The following PDE7A variants were observed in gnomAD, a reference collection of about 807,000 sequenced individuals.
The protein encoded by PDE7A is high affinity 3',5'-cyclic-AMP phosphodiesterase 7A.
In PDE7A, 39 loss-of-function variants were observed where a neutral mutation model predicts 64.3. The ratio of observed to expected loss-of-function variants is 0.61; its 90% CI spans 0.47 to 0.79. PDE7A has a LOEUF of 0.79. Ranked by LOEUF, PDE7A falls within the 30% of genes least tolerant of loss-of-function variation. PDE7A has a pLI of 0.00. For missense variants in PDE7A, 470 were observed against 582.8 expected (o/e 0.81, Z 1.99); for synonymous variants, 203 against 206.8 (o/e 0.98, Z 0.16).
At chr8:65,827,659 T>C (rs1461676179) in intron 1 of PDE7A, among the ~76,000 whole-genome samples, 1 of 152,210 alleles carries the variant, frequency 6.6e-6, no homozygotes, top group African/African-American at 2.4e-5. Flanking sequence ...ACTGTATTTT[T>C]AGTGTATCTT....
At chr8:65,830,418 G>C (rs1225738023) in intron 1 of PDE7A, among the ~76,000 whole-genome samples, 2 of 151,934 alleles carry the variant, frequency 1.3e-5, no homozygotes, top group Non-Finnish European at 2.9e-5. Context: ...GGGTGCTACT[G>C]CTAATATAAA....
intron 1 of PDE7A, among the ~76,000 whole-genome samples, chr8:65,794,138 T>C (rs1236710144): frequency 6.6e-6 from 1 of 152,204 alleles, no homozygotes; most frequent in Non-Finnish European, 1.5e-5. Context: ...AATCTGAAAA[T>C]GCTATCACTC....
chr8:65,725,006 A>G, intron 9 of PDE7A, 85 bp from the exon 10 acceptor site: 1 of 775,622 alleles, frequency 1.3e-6, no homozygotes, highest in East Asian at 3.0e-5. Context: ...AATAATCGGA[A>G]GGCTTTATAG....
At chr8:65,724,963 A>G in intron 9 of PDE7A, 42 bp from the exon 10 acceptor site, 2 of 1,350,182 alleles carry the variant, frequency 1.5e-6, no homozygotes, top group Non-Finnish European at 1.0e-6. Context: ...AAGACTTTCA[A>G]TTAACTATTT....
intron 3 of PDE7A, among the ~76,000 whole-genome samples, chr8:65,777,187 C>A (rs1809285459): frequency 6.8e-6 from 1 of 146,000 alleles, no homozygotes; most frequent in African/African-American, 2.5e-5. Flanking sequence ...TCAAGCGATT[C>A]TCCTGCCTCG....
intron 3 of PDE7A, among the ~76,000 whole-genome samples, chr8:65,748,447 G>C (rs1477685870): frequency 6.6e-6 from 1 of 152,150 alleles, no homozygotes; most frequent in African/African-American, 2.4e-5. Flanking sequence ...CTCTTTCAGT[G>C]AGTCTAACAT....
chr8:65,797,990 A>G (rs1486831895), intron 1 of PDE7A, among the ~76,000 whole-genome samples: 1 of 150,660 alleles, frequency 6.6e-6, no homozygotes, highest in Non-Finnish European at 1.5e-5. Flanking sequence ...AAAAGGAAAA[A>G]AAAAATGTGT....
In PDE7A at chr8:65,724,868, C is replaced by T. The variant is rs372221056; in HGVS notation, c.974G>A (p.Arg325His). ...GALILATDISRQNEYLSLFRS... is the reference protein window; with the variant it reads ...GALILATDISHQNEYLSLFRS... Reference sequence around the variant, plus strand: ...AAACAAAGACAGATACTCATTCTGGCGACTGATGTCTGTGGCTAGTATCAG... The same window carrying T: ...AAACAAAGACAGATACTCATTCTGGTGACTGATGTCTGTGGCTAGTATCAG... The change falls in exon 10 of 13, where the codon CGC becomes CAC. Residue 325 changes from arginine (R) to histidine (H), a missense_variant. Transcript: ENST00000401827. The T allele has an allele frequency of 2.0e-5, 33 of 1,610,314 alleles. No homozygotes were observed. Among genetic ancestry groups the T allele is most frequent in the Admixed American group, 6.7e-5 (4 of 59,834 alleles).
chr8:65,739,270 G>A (rs67724994), intron 6 of PDE7A, among the ~76,000 whole-genome samples: 1 of 152,088 alleles, frequency 6.6e-6, no homozygotes, highest in Non-Finnish European at 1.5e-5. Flanking sequence ...CCAACATGCA[G>A]CCCACCTGTT....
intron 1 of PDE7A, among the ~76,000 whole-genome samples, chr8:65,791,638 C>A (rs1359620233): frequency 2.0e-5 from 3 of 152,202 alleles, no homozygotes; most frequent in African/African-American, 7.2e-5. Context: ...CCAGCATCCA[C>A]TTCCTAATTT....
chr8:65,743,627 T>C (rs1563482635), intron 5 of PDE7A, among the ~76,000 whole-genome samples: 1 of 152,200 alleles, frequency 6.6e-6, no homozygotes, highest in Admixed American at 6.5e-5. Flanking sequence ...AATGGAGTGA[T>C]ACTAAAAGAC....
At chr8:65,760,092 T>C (rs921348927) in intron 3 of PDE7A, among the ~76,000 whole-genome samples, 1 of 151,894 alleles carries the variant, frequency 6.6e-6, no homozygotes, top group African/African-American at 2.4e-5. Flanking sequence ...ATGCAAAAAT[T>C]ATCTGGGTGT....
intron 1 of PDE7A, among the ~76,000 whole-genome samples, chr8:65,820,907 C>T (rs1810526566): frequency 6.6e-6 from 1 of 152,122 alleles, no homozygotes; most frequent in Non-Finnish European, 1.5e-5. Flanking sequence ...TTGATTTAAA[C>T]AACTGAGGAT....
chr8:65,768,017 G>A (rs547706724), intron 3 of PDE7A, among the ~76,000 whole-genome samples: 13 of 152,168 alleles, frequency 8.5e-5, no homozygotes, highest in Middle Eastern at 3.4e-3. Context: ...TGTGGGGTCT[G>A]ACACTCCCTC....
intron 1 of PDE7A, among the ~76,000 whole-genome samples, chr8:65,805,019 T>G (rs185436485): frequency 5.9e-5 from 9 of 151,856 alleles, no homozygotes; most frequent in Admixed American, 5.9e-4. Context: ...TTTGAAAAAA[T>G]TTTTGGTAGA....
chr8:65,772,935 G>A (rs781748343), intron 3 of PDE7A, among the ~76,000 whole-genome samples: 2 of 152,138 alleles, frequency 1.3e-5, no homozygotes, highest in Non-Finnish European at 2.9e-5. Context: ...TTGAACCTGG[G>A]AGACGGAGGC....
At chr8:65,746,055 C>T (rs915868262) in intron 4 of PDE7A, among the ~76,000 whole-genome samples, 15 of 151,892 alleles carry the variant, frequency 9.9e-5, no homozygotes, top group African/African-American at 2.7e-4. Flanking sequence ...CTCAGCCTCC[C>T]GAGAAGCTGG....
intron 3 of PDE7A, among the ~76,000 whole-genome samples, chr8:65,770,111 CA>C (rs1809005964): frequency 6.9e-6 from 1 of 144,388 alleles, no homozygotes; most frequent in Non-Finnish European, 1.5e-5. Flanking sequence ...TTATTACTTG[CA>C]GTATACTTCT....
At chr8:65,720,401 A>C (rs1163074954) in intron 12 of PDE7A, 1 of 154,166 alleles carries the variant, frequency 6.5e-6, no homozygotes, top group African/African-American at 2.4e-5. Flanking sequence ...CTTCATATCC[A>C]AGACTCTCGT....
Sources: allele counts gnomAD v4.1 joint callset (sites outside exome capture counted in the v4.1 genomes callset), GRCh38; gene constraint gnomAD v4.1.1; transcripts MANE v1.5; gene names NCBI Gene and HGNC (gene_info 2026-07-23, HGNC 2026-07-21).